Variants in CACNA2D1 observed in about 807,000 individuals in gnomAD.
CACNA2D1 encodes the protein calcium voltage-gated channel auxiliary subunit alpha2delta 1.
CACNA2D1 carries 53 observed loss-of-function variants against 171.5 expected under a neutral mutation model. The observed-to-expected ratio is 0.31, with a 90% confidence interval of 0.25 to 0.39. The LOEUF (loss-of-function observed/expected upper bound fraction) is 0.39, where lower values mean the gene tolerates loss of function less well. Ranked by LOEUF, CACNA2D1 falls within the 10% of genes least tolerant of loss-of-function variation. CACNA2D1 has a pLI of 1.00. For synonymous variants in CACNA2D1, 442 were observed against 443.1 expected, an observed-to-expected ratio of 1.00 and a Z score of 0.03; for missense variants, 903 against 1,299.8, an observed-to-expected ratio of 0.69 and a Z score of 4.69.
At chr7:82,291,544 T>C (rs1811605353) in intron 3 of CACNA2D1, among the ~76,000 whole-genome samples, 1 of 139,772 alleles carries the variant, frequency 7.2e-6, no homozygotes, top group Admixed American at 7.5e-5. Flanking sequence ...ATGTGATATA[T>C]AGATATATAT....
At chr7:82,271,536 T>C (rs1411990045) in intron 3 of CACNA2D1, among the ~76,000 whole-genome samples, 1 of 152,194 alleles carries the variant, frequency 6.6e-6, no homozygotes. Flanking sequence ...ATTTATTGAT[T>C]GTGGTTCTCA....
intron 38 of CACNA2D1, among the ~76,000 whole-genome samples, chr7:81,958,629 T>C (rs899514741): frequency 6.6e-6 from 1 of 152,014 alleles, no homozygotes; most frequent in Non-Finnish European, 1.5e-5. Context: ...AGCTGAACTA[T>C]AGGAAAAGTA....
chr7:82,237,458 T>G (rs533941172), intron 3 of CACNA2D1, among the ~76,000 whole-genome samples: 2 of 152,062 alleles, frequency 1.3e-5, no homozygotes, highest in South Asian at 4.1e-4. Context: ...ACCTCCAATC[T>G]TCTGTGATTT....
intron 1 of CACNA2D1, among the ~76,000 whole-genome samples, chr7:82,366,526 T>A (rs552976732): frequency 6.6e-6 from 1 of 152,338 alleles, no homozygotes; most frequent in South Asian, 2.1e-4. Context: ...GACCTCCAGT[T>A]GCATCCATGT....
chr7:82,129,665 G>C (rs1261466228), intron 5 of CACNA2D1, among the ~76,000 whole-genome samples: 1 of 152,132 alleles, frequency 6.6e-6, no homozygotes, highest in African/African-American at 2.4e-5. Context: ...CATATCTGAA[G>C]TAATACTATC....
intron 6 of CACNA2D1, among the ~76,000 whole-genome samples, chr7:82,094,658 A>T (rs1811646855): frequency 6.8e-6 from 1 of 147,782 alleles, no homozygotes; most frequent in South Asian, 2.2e-4. Flanking sequence ...ATTTTCATTC[A>T]CAACTCAATA....
chr7:82,009,877 C>T (rs990565762), intron 15 of CACNA2D1, among the ~76,000 whole-genome samples: 18 of 152,040 alleles, frequency 1.2e-4, no homozygotes, highest in Admixed American at 3.9e-4. Flanking sequence ...TAGAGCCCAA[C>T]TCTTGTCATA....
chr7:82,335,151 C>G lies in CACNA2D1; in HGVS notation c.278G>C (p.Arg93Thr). ...TAAACTCACCACCAGGGCTTTAGAT[C>G]TGTTGCTCAGAAGTTTCTCAATATC... Reference protein sequence around the residue: ...ARDIEKLLSNRSKALVRLALE... With the variant: ...ARDIEKLLSNTSKALVRLALE... The change falls in exon 3 of 39, where the codon AGA (arginine) becomes ACA (threonine). Residue 93 changes from arginine to threonine, a missense_variant. This residue lies in a region of CACNA2D1 where 189 missense variants were observed against 266.8 expected (regional missense o/e 0.71). Coordinates refer to ENST00000356860, the MANE Select transcript of CACNA2D1 (RefSeq NM_000722.4). 6.2e-7 allele frequency: 1 copy of G among 1,605,272 alleles called. No homozygotes were observed. Among genetic ancestry groups the G allele is most frequent in the Non-Finnish European group, 8.5e-7 (1 of 1,172,106 alleles).
At chr7:82,293,159 C>T (rs1315676241) in intron 3 of CACNA2D1, among the ~76,000 whole-genome samples, 3 of 151,836 alleles carry the variant, frequency 2.0e-5, no homozygotes, top group Admixed American at 2.0e-4. Flanking sequence ...ATCTCAATGG[C>T]CCTTTTATAT....
chr7:82,069,073 TTAA>T (rs749483186), intron 7 of CACNA2D1, among the ~76,000 whole-genome samples: 1 of 152,170 alleles, frequency 6.6e-6, no homozygotes, highest in African/African-American at 2.4e-5. Context: ...AATTAAGATA[TTAA>T]TGTTATGGTA....
At chr7:82,388,685 G>A (rs1192713761) in intron 1 of CACNA2D1, among the ~76,000 whole-genome samples, 1 of 152,190 alleles carries the variant, frequency 6.6e-6, no homozygotes, top group Non-Finnish European at 1.5e-5. Flanking sequence ...CCTGTACAGT[G>A]TGCACCTTCT....
chr7:82,291,485 TA>T (rs1563319725), intron 3 of CACNA2D1, among the ~76,000 whole-genome samples: 2 of 134,530 alleles, frequency 1.5e-5, no homozygotes, highest in African/African-American at 2.7e-5. Flanking sequence ...AAAAATATAT[TA>T]TATATATTTT....
intron 4 of CACNA2D1, among the ~76,000 whole-genome samples, chr7:82,166,792 C>T (rs1477525057): frequency 6.6e-6 from 1 of 151,986 alleles, no homozygotes; most frequent in Non-Finnish European, 1.5e-5. Flanking sequence ...AAATGCATGA[C>T]CACATAAATC....
intron 1 of CACNA2D1, among the ~76,000 whole-genome samples, chr7:82,384,613 A>AGAC (rs1824116741): frequency 6.6e-6 from 1 of 150,466 alleles, no homozygotes; most frequent in Non-Finnish European, 1.5e-5. Flanking sequence ...AAGAAGAAGA[A>AGAC]GAGGGAGGAA....
chr7:82,163,835 C>T (rs371669437), intron 4 of CACNA2D1, among the ~76,000 whole-genome samples: 3 of 151,916 alleles, frequency 2.0e-5, no homozygotes, highest in African/African-American at 7.2e-5. Context: ...CTTGTGAACA[C>T]CTGAGACAAA....
At chr7:81,980,076 A>G (rs1796284574) in intron 24 of CACNA2D1, among the ~76,000 whole-genome samples, 1 of 114,952 alleles carries the variant, frequency 8.7e-6, no homozygotes, top group African/African-American at 3.4e-5. Flanking sequence ...TTAAGTTGGG[A>G]TTTCGGAGGG....
At chr7:82,374,840 T>C (rs551063143) in intron 1 of CACNA2D1, among the ~76,000 whole-genome samples, 2 of 151,532 alleles carry the variant, frequency 1.3e-5, no homozygotes, top group East Asian at 3.9e-4. Context: ...GCAACACCCC[T>C]CTTGGATATG....
chr7:82,076,773 T>G (rs1269382500), intron 7 of CACNA2D1, among the ~76,000 whole-genome samples: 1 of 152,166 alleles, frequency 6.6e-6, no homozygotes, highest in East Asian at 1.9e-4. Context: ...GGCGACATAT[T>G]CTACCATTAA....
chr7:82,225,724 A>T (rs1182173039), intron 3 of CACNA2D1, among the ~76,000 whole-genome samples: 2 of 152,174 alleles, frequency 1.3e-5, no homozygotes, highest in Non-Finnish European at 2.9e-5. Context: ...TCCAACCTCT[A>T]TTAGATGGCA....
Sources: gnomAD v4.1 joint callset for allele counts (sites outside exome capture counted in the v4.1 genomes callset) on GRCh38, gnomAD v4.1.1 for gene constraint, gnomAD v4.1.1 regional missense constraint, MANE v1.5 for transcripts, NCBI Gene and HGNC (gene_info 2026-07-23, HGNC 2026-07-21) for gene names.